The following PPIL2 variants were observed in gnomAD, a reference collection of about 807,000 sequenced individuals.
The protein encoded by PPIL2 is RING-type E3 ubiquitin-protein ligase PPIL2.
A neutral mutation model predicts 75.2 loss-of-function variants in PPIL2; 50 were observed. The observed-to-expected ratio is 0.66, with a 90% CI of 0.53 to 0.84. The LOEUF is 0.84. PPIL2 is among the 40% of genes least tolerant of loss of function. PPIL2 has a pLI of 0.00. For missense variants in PPIL2, 590 were observed against 685.0 expected, an observed-to-expected ratio of 0.86 and a Z score of 1.55; for synonymous variants, 245 against 258.8, an observed-to-expected ratio of 0.95 and a Z score of 0.51.
chr22:21,669,680 A>G (rs1159760303), intron 1 of PPIL2, among the ~76,000 whole-genome samples: 1 of 152,034 alleles, frequency 6.6e-6, no homozygotes, highest in African/African-American at 2.4e-5. Context: ...TTGTATTTTT[A>G]GTAGAGACGT....
chr22:21,667,353 T>G lies in PPIL2; in HGVS notation c.32+1222T>G, dbSNP rs562449026. On this transcript the variant is annotated intron_variant, in intron 1 of 19. Coordinates refer to ENST00000398831, the MANE Select transcript of PPIL2 (RefSeq NM_014337.4). ...GTATTTTTAGTAGAGAAGGGGTTTC[T>G]CCATGTTGGTCAGGCTGGTCTCGAA... is the stretch of plus-strand genomic sequence containing the variant. 2.6e-5 allele frequency among the ~76,000 whole-genome samples: 4 copies of G among 151,862 alleles called. No homozygotes were observed. The South Asian group carries it at 8.3e-4, about 32-fold the overall frequency.
intron 5 of PPIL2, among the ~76,000 whole-genome samples, chr22:21,672,976 C>G (rs968498756): frequency 6.6e-6 from 1 of 152,184 alleles, no homozygotes; most frequent in East Asian, 1.9e-4. Context: ...GCTCTTCTGG[C>G]CCTTGTGGTG....
chr22:21,674,704 A>C (rs2148511311), intron 5 of PPIL2, among the ~76,000 whole-genome samples: 1 of 152,320 alleles, frequency 6.6e-6, no homozygotes, highest in African/African-American at 2.4e-5. Flanking sequence ...TGTGTGTCCC[A>C]CCACTCTAGC....
chr22:21,683,620 T>G (rs2067222348), intron 9 of PPIL2, among the ~76,000 whole-genome samples: 1 of 152,246 alleles, frequency 6.6e-6, no homozygotes, highest in African/African-American at 2.4e-5. Flanking sequence ...CTCGGCCTTG[T>G]GCTGCAGAGC....
In PPIL2 at chr22:21,683,187, C is replaced by T. The variant is rs1416643603; in HGVS notation, c.483C>T (p.Pro161=). Residue 161 remains proline (P), a synonymous_variant, in exon 9 of 20, where the codon CCC becomes CCT. Coordinates refer to ENST00000398831, the MANE Select transcript of PPIL2 (RefSeq NM_014337.4). ...GCATTCTCTTTTTGCCACAGGACCC[C>T]ACCAATTTGGACAAGTTCAATGTCT... is the stretch of plus-strand genomic sequence containing the variant. ...SRQDIITLQD[P]TNLDKFNVSN... The T allele has an allele frequency of 1.9e-6, 3 of 1,613,182 alleles. No homozygotes were observed. The highest frequency in any genetic ancestry group is 1.3e-5 in the African/African-American group (1 of 74,918).
chr22:21,682,631 C>A, intron 8 of PPIL2, 105 bp downstream of exon 8: 1 of 602,124 alleles, frequency 1.7e-6, no homozygotes, highest in Non-Finnish European at 2.4e-6. Context: ...TATCTGTCCT[C>A]AAAGCCACCT....
chr22:21,698,050 C>G (rs2068006349), downstream of PPIL2: 1 of 152,240 alleles, frequency 6.6e-6, no homozygotes, highest in African/African-American at 2.4e-5. Context: ...CATCACCTCC[C>G]AAGGCTCTCA....
intron 2 of PPIL2, chr22:21,670,274 A>T: frequency 7.2e-7 from 1 of 1,394,420 alleles, no homozygotes; most frequent in Non-Finnish European, 9.6e-7. Context: ...TTTATAAGGA[A>T]TAAAAAGAAT....
intron 15 of PPIL2, among the ~76,000 whole-genome samples, chr22:21,693,054 T>C (rs1270860735): frequency 6.7e-6 from 1 of 149,796 alleles, no homozygotes; most frequent in East Asian, 1.9e-4. Flanking sequence ...ATTTCCTTTT[T>C]TCTTTTTCTT....
rs1324820856 is a variant in PPIL2 at position 21,697,477 on chromosome 22, CAG to C, written c.*1992_*1993del. Reference sequence around the variant, plus strand: ...CAGCCCTCTGCTCTCAGCGGCGCCACAGAGAGCCTGGGCTCAGCCTTCTGCAT... The same window carrying C: ...CAGCCCTCTGCTCTCAGCGGCGCCACAGAGCCTGGGCTCAGCCTTCTGCAT... On this transcript the variant is annotated 3_prime_UTR_variant, in exon 20 of 20. Coordinates refer to ENST00000398831, the MANE Select transcript of PPIL2 (RefSeq NM_014337.4). The C allele has an allele frequency of 6.1e-6, 1 of 162,762 alleles. No individual in the cohort carries two copies. Among genetic ancestry groups the C allele is most frequent in the Non-Finnish European group, 1.4e-5 (1 of 74,026 alleles). 10.1% of individuals were successfully genotyped at this position (162,762 alleles called of 1,614,324 possible).
intron 15 of PPIL2, among the ~76,000 whole-genome samples, chr22:21,689,484 CT>C (rs539666837): frequency 8.6e-5 from 13 of 151,844 alleles, no homozygotes; most frequent in South Asian, 2.1e-4. Context: ...TGTAAATGGA[CT>C]TTTTTTTTCC....
At chr22:21,689,713 G>A (rs993133582) in intron 15 of PPIL2, among the ~76,000 whole-genome samples, 12 of 152,256 alleles carry the variant, frequency 7.9e-5, no homozygotes, top group African/African-American at 2.7e-4. Flanking sequence ...GGGGGAGGAG[G>A]ATGTGGGCAT....
intron 3 of PPIL2, 164 bp downstream of exon 3, chr22:21,670,775 A>G (rs1468689379): frequency 1.9e-5 from 17 of 904,512 alleles, no homozygotes; most frequent in African/African-American, 4.9e-5. Context: ...TCATGATGTT[A>G]GGAGCTTGCC....
At chr22:21,669,291 G>A (rs1385320834) in intron 1 of PPIL2, 1 of 412,700 alleles carries the variant, frequency 2.4e-6, no homozygotes, top group South Asian at 1.8e-5. Flanking sequence ...GGGACCACAG[G>A]TGTGAGCTGT....
Position 21,695,376 on chromosome 22 carries a change from G to A in PPIL2, c.1467-18G>A, listed in dbSNP as rs375739335. 2.1e-5 allele frequency: 34 copies of A among 1,588,744 alleles called. No homozygotes were observed. The highest frequency in any genetic ancestry group is 1.2e-4 in the African/African-American group (9 of 74,456). ...CTGAGGGAGGGTGTGGGCTCCCAGC[G>A]GCTTCTTCTCTTCCCAGGAAGCGAG... On this transcript the variant is annotated intron_variant, in intron 19 of 19. Coordinates refer to ENST00000398831, the MANE Select transcript of PPIL2 (RefSeq NM_014337.4).
At position 21,681,505 on chromosome 22, in the gene PPIL2, C is replaced by T. The variant is rs2067130138; in HGVS notation, c.387+115C>T. Reference sequence around the variant, plus strand: ...GTACGGCCTGTCCTCGTGGGGTTTACAGTCACAGCCACAGGCATGGTCATC... The same window carrying T: ...GTACGGCCTGTCCTCGTGGGGTTTATAGTCACAGCCACAGGCATGGTCATC... On this transcript the variant is annotated intron_variant, in intron 7 of 19. Transcript: ENST00000398831. 9.1e-6 allele frequency: 8 copies of T among 876,054 alleles called. No individual in the cohort carries two copies. In the South Asian group the frequency reaches 1.1e-4, roughly 12 times the overall value. 54.3% of individuals were successfully genotyped at this position (876,054 alleles called of 1,614,324 possible). A position where few individuals can be genotyped will look rare whatever the true frequency, so the allele number is the denominator to read the frequency against.
At chr22:21,686,687 C>A in intron 11 of PPIL2, 129 bp downstream of exon 11, 1 of 1,090,976 alleles carries the variant, frequency 9.2e-7, no homozygotes, top group Middle Eastern at 2.7e-4. Context: ...CTAGTCCTCC[C>A]CCTCTTAGCT....
rs1334488222 is a variant in PPIL2 at position 21,696,394 on chromosome 22, A to C, written c.*904A>C. On this transcript the variant is annotated 3_prime_UTR_variant, in exon 20 of 20. Coordinates refer to ENST00000398831, the MANE Select transcript of PPIL2 (RefSeq NM_014337.4). ...TGTCCCTCTCCCCGCCCTCCTGCTG[A>C]AGTGGCCTTGCTGCTCTCAGGCCCG... 8.6e-7 allele frequency: 1 copy of C among 1,156,498 alleles called. No homozygotes were observed. The highest frequency in any genetic ancestry group is 1.1e-6 in the Non-Finnish European group (1 of 930,328). The allele number at this position is 1,156,498 out of a possible 1,614,324, so 71.6% of individuals were successfully genotyped here.
chr22:21,671,692 A>G (rs911257913), intron 4 of PPIL2, among the ~76,000 whole-genome samples: 1 of 152,094 alleles, frequency 6.6e-6, no homozygotes, highest in Non-Finnish European at 1.5e-5. Flanking sequence ...TCAGGCACAC[A>G]CCATCACCAT....
Sources: allele counts gnomAD v4.1 joint callset (sites outside exome capture counted in the v4.1 genomes callset), GRCh38; gene constraint gnomAD v4.1.1; transcripts MANE v1.5; gene names NCBI Gene and HGNC (gene_info 2026-07-23, HGNC 2026-07-21).